The following TRIM46 variants were observed in gnomAD, a reference collection of about 807,000 sequenced individuals.
TRIM46 encodes tripartite motif-containing protein 46.
A neutral mutation model predicts 69.7 loss-of-function variants in TRIM46; 17 were observed. The observed-to-expected ratio is 0.24, with a 90% CI of 0.17 to 0.37. The LOEUF (loss-of-function observed/expected upper bound fraction) is 0.37. TRIM46 is among the 10% of genes least tolerant of loss of function. The pLI is 1.00. For synonymous variants in TRIM46, 391 were observed against 429.0 expected (o/e 0.91, Z 1.09); for missense variants, 675 against 1,025.1 (o/e 0.66, Z 4.66).
In TRIM46 at chr1:155,178,572, G is replaced by C. The variant is rs150155187; in HGVS notation, c.1244G>C (p.Gly415Ala). 7.0e-4 allele frequency: 1,134 copies of C among 1,614,046 alleles called. 1 individual carries two copies. Among genetic ancestry groups the C allele is most frequent in the Middle Eastern group, 9.9e-4 (6 of 6,062 alleles). Residue 415 changes from glycine to alanine, a missense_variant, in exon 7 of 10, where the codon GGA (glycine) becomes GCA (alanine). Physicochemically the swap from Gly to Ala is moderately conservative, Grantham distance 60. This residue lies in a region of TRIM46 where 361 missense variants were observed against 498.3 expected (regional missense o/e 0.72). Coordinates refer to ENST00000334634, the MANE Select transcript of TRIM46 (RefSeq NM_025058.5). ...TTCCGCCATTGCCAGCTCGACGTGG[G>C]ACGTGAGATGAAGCTGCTGACAGAG... ...SSFRHCQLDV[G>A]REMKLLTELN...
Position 155,181,873 on chromosome 1 carries a change from G to A in TRIM46, c.1610G>A (p.Ser537Asn). The change falls in exon 9 of 10, where the codon AGC becomes AAC. Residue 537 changes from serine (S) to asparagine (N), a missense_variant. By Grantham distance (46) the Ser-to-Asn change is conservative. Coordinates refer to ENST00000334634, the MANE Select transcript of TRIM46 (RefSeq NM_025058.5). The surrounding 1 kb of genome is among the most constrained non-coding windows in gnomAD (Gnocchi z 4.3). The part of the protein sequence containing the change: ...PAPVLHFFLD[S>N]RWGASRERLA... ...CCAGTCCTGCACTTCTTCCTCGATA[G>A]CCGCTGGGGCGCAAGCCGAGAGCGG... 1.2e-6 allele frequency: 2 copies of A among 1,611,438 alleles called. No individual in the cohort carries two copies. Among genetic ancestry groups the A allele is most frequent in the Non-Finnish European group, 8.5e-7 (1 of 1,178,046 alleles).
Position 155,181,750 on chromosome 1 carries a change from AC to A in TRIM46, c.1589-97del. On this transcript the variant is annotated intron_variant, in intron 8 of 9. Transcript: ENST00000334634. The surrounding 1 kb of genome is among the most constrained non-coding windows in gnomAD (Gnocchi z 4.3). ...CCCCCTGCCTGTTCCTGGTGACTGA[AC>A]CCCCTTGCAACGCGTTCCCTGTTCT... 1 of 1,278,580 alleles carries A rather than the reference AC, an allele frequency of 7.8e-7. No individual in the cohort carries two copies. The allele number at this position is 1,278,580 out of a possible 1,614,324, so 79.2% of individuals were successfully genotyped here.
At position 155,179,749 on chromosome 1, in the gene TRIM46, G is replaced by A. The variant is rs1230580316; in HGVS notation, c.1403G>A (p.Arg468His). 2.5e-6 allele frequency: 4 copies of A among 1,613,220 alleles called. No homozygotes were observed. The highest frequency in any genetic ancestry group is 2.2e-5 in the East Asian group (1 of 44,880). The change falls in exon 8 of 10, where the codon CGC becomes CAC. Residue 468 changes from arginine (R) to histidine (H), a missense_variant. Physicochemically the swap from Arg to His is conservative, Grantham distance 29. This residue lies in a region of TRIM46 where 361 missense variants were observed against 498.3 expected (regional missense o/e 0.72). Transcript: ENST00000334634. ...TGGCACTATACCGTTGAGTTCCGGCGCACGGATGTGCCTGCTCAGCCAGGC... is the reference window on the plus strand; with the variant it reads ...TGGCACTATACCGTTGAGTTCCGGCACACGGATGTGCCTGCTCAGCCAGGC... The part of the protein sequence containing the change: ...PAWHYTVEFR[R>H]TDVPAQPGPT...
chr1:155,179,910 C>T lies in TRIM46; in HGVS notation c.1564C>T (p.His522Tyr). The T allele has an allele frequency of 6.3e-7, 1 of 1,587,346 alleles. No individual in the cohort carries two copies. The highest frequency in any genetic ancestry group is 1.3e-5 in the African/African-American group (1 of 74,720). ...CTACGGCGAATACAGTGAAGATGTG[C>T]ACCTGCACACGCCCCCGGCACCTGG... The part of the protein sequence containing the change: ...AGYGEYSEDV[H>Y]LHTPPAPVLH... The change falls in exon 8 of 10, where the codon CAC (histidine) becomes TAC (tyrosine). Residue 522 changes from histidine (H) to tyrosine (Y), a missense_variant. This residue lies in a region of TRIM46 where 361 missense variants were observed against 498.3 expected (regional missense o/e 0.72). Transcript: ENST00000334634.
chr1:155,179,773 G>C lies in TRIM46; in HGVS notation c.1427G>C (p.Gly476Ala). The change falls in exon 8 of 10, where the codon GGC becomes GCC. Residue 476 changes from glycine (G) to alanine (A), a missense_variant. Physicochemically the swap from Gly to Ala is moderately conservative, Grantham distance 60. Transcript: ENST00000334634. ...CGCACGGATGTGCCTGCTCAGCCAG[G>C]CCCCACCCGCTGGCAGCGGCGGGAG... ...FRRTDVPAQPGPTRWQRREEV... is the reference protein window; with the variant it reads ...FRRTDVPAQPAPTRWQRREEV... 1 of 1,613,272 alleles carries C rather than the reference G, an allele frequency of 6.2e-7. No individual in the cohort carries two copies. The highest frequency in any genetic ancestry group is 8.5e-7 in the Non-Finnish European group (1 of 1,179,922).
At position 155,181,940 on chromosome 1, in the gene TRIM46, A is replaced by C; in HGVS notation, c.1677A>C (p.Pro559=). ...SKDQRAVRSV[P]GLPLLLAADR... ...ACCAGCGAGCAGTACGGAGTGTTCC[A>C]GGGCTGCCCCTGCTGCTGGCTGCTG... The change falls in exon 9 of 10, where the codon CCA becomes CCC. Residue 559 remains proline, a synonymous_variant. Transcript: ENST00000334634. This position sits in a 1 kb window ranked among gnomAD's most constrained non-coding sequence, Gnocchi z 4.3. The C allele has an allele frequency of 6.2e-7, 1 of 1,614,072 alleles. No individual in the cohort carries two copies. Among genetic ancestry groups the C allele is most frequent in the Non-Finnish European group, 8.5e-7 (1 of 1,180,030 alleles).
intron 9 of TRIM46, among the ~76,000 whole-genome samples, chr1:155,183,170 A>G (rs1250865973): frequency 6.6e-6 from 1 of 151,914 alleles, no homozygotes; most frequent in Non-Finnish European, 1.5e-5. Flanking sequence ...TTGGCCTCCC[A>G]AAGTGCTGGG....
chr1:155,174,062 G>A (rs1376560910), intron 1 of TRIM46, 33 bp downstream of exon 1: 18 of 1,551,378 alleles, frequency 1.2e-5, no homozygotes, highest in Middle Eastern at 1.7e-4. Context: ...GAAGGGGAGG[G>A]GGCGTATAGG....
At chr1:155,174,976 G>C (rs1340385420) in intron 1 of TRIM46, 1 of 1,386,226 alleles carries the variant, frequency 7.2e-7, no homozygotes, top group African/African-American at 1.5e-5. Context: ...ACGGCATGGG[G>C]GTGCTGCTAG....
rs1571731733 is a variant in TRIM46, at chr1:155,175,669, T to G, written c.325+22T>G. ...TCAGGTGGGACTGGGGCCTGTAGGG[T>G]GGGGATGGGAACGCTGAGCTATTCA... On this transcript the variant is annotated intron_variant, in intron 2 of 9. Coordinates refer to ENST00000334634, the MANE Select transcript of TRIM46 (RefSeq NM_025058.5). This position sits in a 1 kb window ranked among gnomAD's most constrained non-coding sequence, Gnocchi z 4.2. The G allele has an allele frequency of 6.2e-7, 1 of 1,612,582 alleles. No homozygotes were observed.
chr1:155,174,824 AG>A, intron 1 of TRIM46: 1 of 1,437,548 alleles, frequency 7.0e-7, no homozygotes, highest in South Asian at 1.4e-5. Context: ...ATGGGGGCGA[AG>A]GGGAATGGGT....
Position 155,181,519 on chromosome 1 carries a change from G to A in TRIM46, c.1589-333G>A, listed in dbSNP as rs1046332744. Among the ~76,000 whole-genome samples, 1 of 152,136 alleles carries A rather than the reference G, an allele frequency of 6.6e-6. No homozygotes were observed. Among genetic ancestry groups the A allele is most frequent in the Non-Finnish European group, 1.5e-5 (1 of 68,034 alleles). ...TTGATGGTGATGGGAATGTCACCAG[G>A]TGGAACAGAATAGTGGGAACTGTCC... On this transcript the variant is annotated intron_variant, in intron 8 of 9. Coordinates refer to ENST00000334634, the MANE Select transcript of TRIM46 (RefSeq NM_025058.5). The surrounding 1 kb of genome is among the most constrained non-coding windows in gnomAD (Gnocchi z 4.3).
chr1:155,174,078 G>C, intron 1 of TRIM46, 49 bp downstream of exon 1: 1 of 1,536,776 alleles, frequency 6.5e-7, no homozygotes, highest in East Asian at 2.4e-5. Flanking sequence ...ATAGGGTTCT[G>C]GGGCAAGCTG....
chr1:155,184,313 C>T lies in TRIM46; in HGVS notation c.*123C>T. 2 of 1,072,266 alleles carry T rather than the reference C, an allele frequency of 1.9e-6. No individual in the cohort carries two copies. The highest frequency in any genetic ancestry group is 1.3e-6 in the Non-Finnish European group (1 of 768,194). 66.4% of individuals were successfully genotyped at this position (1,072,266 alleles called of 1,614,324 possible). A position where few individuals can be genotyped will look rare whatever the true frequency, so the allele number is the denominator to read the frequency against. The stretch of plus-strand genomic sequence containing the variant: ...AACTCTCCTACCATGTGGCCCTGCT[C>T]CTTCTCCCGTGTCTGTCTTCCCACA... On this transcript the variant is annotated 3_prime_UTR_variant, in exon 10 of 10. Transcript: ENST00000334634. The surrounding 1 kb of genome is among the most constrained non-coding windows in gnomAD (Gnocchi z 5.6).
chr1:155,182,438 A>G, intron 9 of TRIM46: 1 of 564,754 alleles, frequency 1.8e-6, no homozygotes, highest in Non-Finnish European at 3.1e-6. Context: ...CTCTGGATCA[A>G]CACACCATCT....
intron 9 of TRIM46, chr1:155,182,868 C>A (rs1666268324): frequency 6.6e-6 from 1 of 150,778 alleles, no homozygotes; most frequent in South Asian, 2.1e-4. Context: ...AAAAATTCTT[C>A]CCTTAAACAT....
At chr1:155,176,726 T>A (rs1243024933) in intron 3 of TRIM46, among the ~76,000 whole-genome samples, 1 of 152,204 alleles carries the variant, frequency 6.6e-6, no homozygotes, top group African/African-American at 2.4e-5. Flanking sequence ...GGAGGTGCAA[T>A]GCTGGTGAAA....
At position 155,175,769 on chromosome 1, in the gene TRIM46, C is replaced by T. The variant is rs757989396; in HGVS notation, c.326-119C>T. The T allele has an allele frequency of 2.3e-5, 37 of 1,577,850 alleles. No individual in the cohort carries two copies. In the Admixed American group the frequency reaches 3.4e-4, roughly 15 times the overall value. On this transcript the variant is annotated intron_variant, in intron 2 of 9. Transcript: ENST00000334634. The surrounding 1 kb of genome is among the most constrained non-coding windows in gnomAD (Gnocchi z 4.2). ...TTCTGGGGGGTGGAGATACTGCTTA[C>T]GCAGGCTCTAATGAGAGCTGAGCTC...
intron 7 of TRIM46, 108 bp downstream of exon 7, chr1:155,178,721 G>A (rs960746929): frequency 5.9e-5 from 90 of 1,536,596 alleles, no homozygotes; most frequent in East Asian, 1.2e-4. Flanking sequence ...CCTCCTGCCC[G>A]GCCTGGCCAG....
Sources: allele counts gnomAD v4.1 joint callset (sites outside exome capture counted in the v4.1 genomes callset), GRCh38; gene constraint gnomAD v4.1.1; regional missense constraint gnomAD v4.1.1; non-coding constraint Gnocchi (gnomAD v3.1); transcripts MANE v1.5; gene names NCBI Gene and HGNC (gene_info 2026-07-23, HGNC 2026-07-21).